GULP1: variants seen among roughly 807,000 people sequenced by gnomAD.
GULP1 encodes PTB domain-containing engulfment adapter protein 1.
In GULP1, 19 loss-of-function variants were observed where a neutral mutation model predicts 40.9. The ratio of observed to expected loss-of-function variants is 0.46; its 90% CI spans 0.32 to 0.68. GULP1 has a LOEUF of 0.68. Among genes scored for constraint, GULP1 ranks in the 30% least tolerant of loss-of-function variants. GULP1 has a pLI of 0.03. For synonymous variants in GULP1, 119 were observed against 117.6 expected, an observed-to-expected ratio of 1.01 and a Z score of -0.08; for missense variants, 312 against 362.2, an observed-to-expected ratio of 0.86 and a Z score of 1.12.
chr2:188,520,168 A>C (rs1258802971), intron 4 of GULP1, among the ~76,000 whole-genome samples: 2 of 152,170 alleles, frequency 1.3e-5, no homozygotes, highest in African/African-American at 4.8e-5. Flanking sequence ...TGGAGGTCAC[A>C]GTGAGGCAAA....
chr2:188,480,818 A>G (rs1278311108), intron 3 of GULP1, among the ~76,000 whole-genome samples: 1 of 151,904 alleles, frequency 6.6e-6, no homozygotes, highest in Non-Finnish European at 1.5e-5. Flanking sequence ...ACATTTTTTT[A>G]AACTTAGTTG....
intron 2 of GULP1, among the ~76,000 whole-genome samples, chr2:188,434,445 T>C (rs2057215683): frequency 6.6e-6 from 1 of 151,832 alleles, no homozygotes; most frequent in Non-Finnish European, 1.5e-5. Context: ...TGTTTTTGAA[T>C]TTAAAGTATT....
intron 9 of GULP1, among the ~76,000 whole-genome samples, chr2:188,582,817 G>A (rs896569435): frequency 2.6e-5 from 4 of 152,096 alleles, no homozygotes; most frequent in African/African-American, 9.7e-5. Context: ...TTGCAGTTGG[G>A]AAATTAGATC....
At chr2:188,429,908 A>G (rs2056666893) in intron 2 of GULP1, among the ~76,000 whole-genome samples, 1 of 151,978 alleles carries the variant, frequency 6.6e-6, no homozygotes, top group African/African-American at 2.4e-5. Context: ...ACGGGGTTTC[A>G]CCGTGTTAGC....
intron 2 of GULP1, among the ~76,000 whole-genome samples, chr2:188,467,371 T>C (rs924456829): frequency 6.6e-6 from 1 of 152,198 alleles, no homozygotes; most frequent in Admixed American, 6.5e-5. Flanking sequence ...TTGAGATTTT[T>C]CATAATCTTT....
chr2:188,490,795 A>G (rs1205213692), intron 4 of GULP1, among the ~76,000 whole-genome samples: 2 of 152,018 alleles, frequency 1.3e-5, no homozygotes, highest in East Asian at 3.9e-4. Flanking sequence ...GTTTGGCCCT[A>G]GATGAAATAA....
chr2:188,395,869 G>A (rs1393313993), intron 2 of GULP1, among the ~76,000 whole-genome samples: 3 of 152,098 alleles, frequency 2.0e-5, no homozygotes, highest in Admixed American at 1.3e-4. Context: ...GGGGTAGCAG[G>A]GGGGTAACAT....
intron 2 of GULP1, among the ~76,000 whole-genome samples, chr2:188,437,003 A>G (rs1003501992): frequency 6.6e-6 from 1 of 152,128 alleles, no homozygotes; most frequent in Admixed American, 6.6e-5. Context: ...ATTATCCACT[A>G]TAGTTCTATC....
At chr2:188,474,587 G>T (rs1209603459) in intron 2 of GULP1, among the ~76,000 whole-genome samples, 4 of 152,166 alleles carry the variant, frequency 2.6e-5, no homozygotes, top group Non-Finnish European at 5.9e-5. Flanking sequence ...TGCTCCTGCT[G>T]AGGGTAGGAG....
chr2:188,573,721 A>G (rs553529593), intron 9 of GULP1, among the ~76,000 whole-genome samples: 2 of 151,018 alleles, frequency 1.3e-5, no homozygotes, highest in Non-Finnish European at 3.0e-5. Context: ...AGTTTATTCA[A>G]AGGATTAGAG....
At chr2:188,323,127 A>T (rs1377790611) in intron 1 of GULP1, among the ~76,000 whole-genome samples, 1 of 151,898 alleles carries the variant, frequency 6.6e-6, no homozygotes, top group Non-Finnish European at 1.5e-5. Flanking sequence ...GTAAATATCG[A>T]CACTCTTCCA....
intron 1 of GULP1, among the ~76,000 whole-genome samples, chr2:188,322,402 C>T (rs1210182265): frequency 6.6e-6 from 1 of 151,918 alleles, no homozygotes; most frequent in Non-Finnish European, 1.5e-5. Flanking sequence ...ATTCTCATGG[C>T]ATGAACTTTG....
chr2:188,513,779 T>A (rs78851005), intron 4 of GULP1, among the ~76,000 whole-genome samples: 4,191 of 152,140 alleles, frequency 0.028, 118 homozygotes, highest in African/African-American at 0.062. Flanking sequence ...TAAAAAAAAA[T>A]TCACCGTAAT....
intron 8 of GULP1, 63 bp downstream of exon 8, chr2:188,569,418 C>T (rs1299390815): frequency 6.9e-6 from 6 of 864,136 alleles, no homozygotes; most frequent in East Asian, 2.4e-5. Flanking sequence ...ACTTGCATAT[C>T]GTCAAACAAA....
At chr2:188,294,004 G>T (rs2034379274) in intron 1 of GULP1, 1 of 152,246 alleles carries the variant, frequency 6.6e-6, no homozygotes, top group Non-Finnish European at 1.5e-5. Context: ...GGATATGACC[G>T]AGGAAATTAC....
At chr2:188,429,904 T>C (rs2056666545) in intron 2 of GULP1, among the ~76,000 whole-genome samples, 1 of 151,756 alleles carries the variant, frequency 6.6e-6, no homozygotes, top group South Asian at 2.1e-4. Flanking sequence ...AGAGACGGGG[T>C]TTCACCGTGT....
At chr2:188,516,535 A>G (rs1441584020) in intron 4 of GULP1, among the ~76,000 whole-genome samples, 3 of 151,958 alleles carry the variant, frequency 2.0e-5, no homozygotes, top group African/African-American at 7.3e-5. Flanking sequence ...GGTTCTGGGA[A>G]AGTGATTGAT....
chr2:188,583,811 G>T (rs1017941574), intron 9 of GULP1, among the ~76,000 whole-genome samples: 1 of 152,126 alleles, frequency 6.6e-6, no homozygotes, highest in East Asian at 1.9e-4. Flanking sequence ...AATTGCATTT[G>T]AATGTTTATA....
intron 1 of GULP1, among the ~76,000 whole-genome samples, chr2:188,336,650 CT>C (rs1011584672): frequency 2.0e-5 from 3 of 152,156 alleles, no homozygotes; most frequent in African/African-American, 7.2e-5. Context: ...TCTGGAAAGT[CT>C]TCACTGAAGA....
Sources: allele counts gnomAD v4.1 joint callset (sites outside exome capture counted in the v4.1 genomes callset), GRCh38; gene constraint gnomAD v4.1.1; transcripts MANE v1.5; gene names NCBI Gene and HGNC (gene_info 2026-07-23, HGNC 2026-07-21).